Variants in DOCK1 observed in about 807,000 individuals in gnomAD.
DOCK1 encodes the protein dedicator of cytokinesis protein 1.
DOCK1 carries 138 observed loss-of-function variants against 262.7 expected under a neutral mutation model. The ratio of observed to expected loss-of-function variants is 0.53; its 90% CI spans 0.46 to 0.61. DOCK1 has a LOEUF of 0.61. Ranked by LOEUF, DOCK1 falls within the 20% of genes least tolerant of loss-of-function variation. The pLI is 0.00. For synonymous variants in DOCK1, 866 were observed against 867.4 expected (o/e 1.00, Z 0.03); for missense variants, 1,908 against 2,370.7 (o/e 0.80, Z 4.05).
At chr10:127,051,529 T>G (rs1338168368) in intron 21 of DOCK1, among the ~76,000 whole-genome samples, 1 of 152,154 alleles carries the variant, frequency 6.6e-6, no homozygotes, top group African/African-American at 2.4e-5. Context: ...TTCATGCCTT[T>G]AAAAAAATTG....
intron 38 of DOCK1, among the ~76,000 whole-genome samples, chr10:127,398,461 A>G (rs2067044061): frequency 6.6e-6 from 1 of 152,192 alleles, no homozygotes; most frequent in African/African-American, 2.4e-5. Context: ...GACTGAACGC[A>G]GCCTCCTGCT....
chr10:127,329,729 C>T (rs1292519024), intron 29 of DOCK1, among the ~76,000 whole-genome samples: 2 of 152,180 alleles, frequency 1.3e-5, no homozygotes, highest in Admixed American at 1.3e-4. Context: ...CAAGCTGCTG[C>T]TAAATCCGTC....
intron 31 of DOCK1, among the ~76,000 whole-genome samples, chr10:127,354,465 C>A (rs1165950415): frequency 6.6e-6 from 1 of 152,202 alleles, no homozygotes; most frequent in Admixed American, 6.5e-5. Context: ...TGTTGTGTAA[C>A]CCTCAGTGAT....
intron 27 of DOCK1, among the ~76,000 whole-genome samples, chr10:127,240,271 C>T (rs1282070216): frequency 7.0e-5 from 10 of 143,546 alleles, no homozygotes; most frequent in South Asian, 2.2e-4. Flanking sequence ...ATAGTTTTGG[C>T]TTTTTTTTTT....
chr10:127,161,551 A>G (rs1185755985), intron 27 of DOCK1, among the ~76,000 whole-genome samples: 1 of 152,218 alleles, frequency 6.6e-6, no homozygotes, highest in African/African-American at 2.4e-5. Context: ...GTGACCCTCC[A>G]TACTGGCAAG....
Position 127,451,331 on chromosome 10 carries a change from G to A in DOCK1, c.5566-1G>A. 1 of 1,590,690 alleles carries A rather than the reference G, an allele frequency of 6.3e-7. No homozygotes were observed. The highest frequency in any genetic ancestry group is 1.2e-5 in the South Asian group (1 of 86,786). ...ATCTTCCCCATCCTCATGTTTTTTAGCATCTGCCACCTCCACTGCCCAGCA... is the reference window on the plus strand; with the variant it reads ...ATCTTCCCCATCCTCATGTTTTTTAACATCTGCCACCTCCACTGCCCAGCA... On this transcript the variant is annotated splice_acceptor_variant, in intron 51 of 51. Transcript: ENST00000623213. LOFTEE classifies it high-confidence loss of function.
At chr10:127,128,566 G>C (rs1027918263) in intron 27 of DOCK1, among the ~76,000 whole-genome samples, 1 of 151,964 alleles carries the variant, frequency 6.6e-6, no homozygotes, top group African/African-American at 2.4e-5. Flanking sequence ...GCAGGCCCCG[G>C]TGTGTGTGGT....
chr10:127,136,827 G>A (rs2050743416), intron 27 of DOCK1: 2 of 152,562 alleles, frequency 1.3e-5, no homozygotes, highest in South Asian at 4.1e-4. Flanking sequence ...GAGATGGTCA[G>A]GGCTTCCACC....
At chr10:127,299,928 A>G (rs2061626604) in intron 29 of DOCK1, among the ~76,000 whole-genome samples, 1 of 152,212 alleles carries the variant, frequency 6.6e-6, no homozygotes, top group Middle Eastern at 3.2e-3. Context: ...AAAGAAAAGT[A>G]TTCCTGCAAA....
At chr10:127,361,982 T>G (rs1417852575) in intron 32 of DOCK1, 82 bp from the exon 33 acceptor site, 2 of 1,390,808 alleles carry the variant, frequency 1.4e-6, no homozygotes, top group East Asian at 5.0e-5. Context: ...CAGTGATCTG[T>G]GTTGTGTTGT....
intron 27 of DOCK1, among the ~76,000 whole-genome samples, chr10:127,186,384 A>G (rs2056230376): frequency 6.6e-6 from 1 of 152,042 alleles, no homozygotes; most frequent in South Asian, 2.1e-4. Context: ...GCCAGACACT[A>G]GACATGGTGG....
chr10:127,221,507 G>GACCA (rs2058434849), intron 27 of DOCK1, among the ~76,000 whole-genome samples: 1 of 152,184 alleles, frequency 6.6e-6, no homozygotes, highest in South Asian at 2.1e-4. Context: ...GTCAGCTCCA[G>GACCA]TCTGCTCAGG....
intron 29 of DOCK1, among the ~76,000 whole-genome samples, chr10:127,283,188 TCTGTTTCCCAG>T (rs2061024290): frequency 6.6e-6 from 1 of 152,224 alleles, no homozygotes; most frequent in Non-Finnish European, 1.5e-5. Context: ...AACCATCAAT[TCTGTTTCCCAG>T]CTGTGCTTCC....
rs560139067 is a variant in DOCK1 at position 127,309,675 on chromosome 10, A to G, written c.3045-29331A>G. Among the ~76,000 whole-genome samples, 12 of 152,264 alleles carry G rather than the reference A, an allele frequency of 7.9e-5. No homozygotes were observed. The South Asian group carries it at 2.5e-3, about 32-fold the overall frequency. On this transcript the variant is annotated intron_variant, in intron 29 of 51. Coordinates refer to ENST00000623213, the MANE Select transcript of DOCK1 (RefSeq NM_001290223.2). ...CTGCATATGGCTAGCCAGTTCTCTC[A>G]GCACCATTTATTAAATAGGGAATGC...
intron 29 of DOCK1, among the ~76,000 whole-genome samples, chr10:127,300,938 C>T (rs559820600): frequency 2.7e-4 from 41 of 152,308 alleles, no homozygotes; most frequent in African/African-American, 8.9e-4. Flanking sequence ...GAGGGCTGGG[C>T]GCATCCGCTC....
chr10:126,983,759 C>G (rs368316617), intron 4 of DOCK1, among the ~76,000 whole-genome samples: 1 of 152,318 alleles, frequency 6.6e-6, no homozygotes, highest in East Asian at 1.9e-4. Flanking sequence ...TCTCTCTGGA[C>G]GCTGACTTCA....
At chr10:126,993,949 C>T (rs937329934) in intron 6 of DOCK1, among the ~76,000 whole-genome samples, 3 of 152,186 alleles carry the variant, frequency 2.0e-5, no homozygotes, top group Non-Finnish European at 2.9e-5. Context: ...CATTTATTGG[C>T]AATTCAACTT....
chr10:127,319,767 C>T (rs1374953401), intron 29 of DOCK1, among the ~76,000 whole-genome samples: 1 of 152,186 alleles, frequency 6.6e-6, no homozygotes, highest in Non-Finnish European at 1.5e-5. Context: ...ATCATGTGGC[C>T]ACGTGTCTGC....
chr10:127,436,162 A>T (rs897302972), intron 48 of DOCK1, among the ~76,000 whole-genome samples: 1 of 152,188 alleles, frequency 6.6e-6, no homozygotes, highest in Non-Finnish European at 1.5e-5. Flanking sequence ...TGCCTTAATG[A>T]TCTAAGTCAA....
Sources: gnomAD v4.1 joint callset for allele counts (sites outside exome capture counted in the v4.1 genomes callset) on GRCh38, gnomAD v4.1.1 for gene constraint, MANE v1.5 for transcripts, NCBI Gene and HGNC (gene_info 2026-07-23, HGNC 2026-07-21) for gene names.